GALNT13: variants seen among roughly 807,000 people sequenced by gnomAD.
GALNT13 encodes the protein UDP-GalNAc:polypeptide N-acetylgalactosaminyltransferase 13.
In GALNT13, 28 loss-of-function variants were observed where a neutral mutation model predicts 64.2. That is an observed-to-expected ratio of 0.44 (90% CI 0.32 to 0.60). GALNT13 has a LOEUF of 0.60. Ranked by LOEUF, GALNT13 falls within the 20% of genes least tolerant of loss-of-function variation. The pLI, the probability that GALNT13 is intolerant of heterozygous loss-of-function variation, is 0.05. For synonymous variants in GALNT13, 214 were observed against 224.6 expected, an observed-to-expected ratio of 0.95 and a Z score of 0.42; for missense variants, 577 against 669.8, an observed-to-expected ratio of 0.86 and a Z score of 1.53.
At chr2:154,084,136 C>A (rs1701412516) in intron 3 of GALNT13, among the ~76,000 whole-genome samples, 1 of 151,832 alleles carries the variant, frequency 6.6e-6, no homozygotes, top group Non-Finnish European at 1.5e-5. Flanking sequence ...GTGTCCCAAA[C>A]AATAATGGTC....
chr2:153,949,939 C>T (rs1692049372), intron 3 of GALNT13, among the ~76,000 whole-genome samples: 1 of 151,858 alleles, frequency 6.6e-6, no homozygotes, highest in African/African-American at 2.4e-5. Context: ...GGATGCCTAA[C>T]TCATGTCATG....
intron 3 of GALNT13, among the ~76,000 whole-genome samples, chr2:154,095,820 A>T (rs183285563): frequency 6.6e-6 from 1 of 151,918 alleles, no homozygotes; most frequent in South Asian, 2.1e-4. Context: ...ATTTTGTCCT[A>T]TGTTAAAGAT....
At chr2:153,740,105 G>A in the GALNT13 span, among the ~76,000 whole-genome samples, 1 of 151,850 alleles carries the variant, frequency 6.6e-6, no homozygotes, top group Non-Finnish European at 1.5e-5. Flanking sequence ...ATAATTATTT[G>A]CTTAGAGTTC....
chr2:153,790,602 A>G, the GALNT13 span, among the ~76,000 whole-genome samples: 1 of 152,142 alleles, frequency 6.6e-6, no homozygotes, highest in South Asian at 2.1e-4. Flanking sequence ...CCCTGACCAG[A>G]GCAATCAGGC....
intron 9 of GALNT13, among the ~76,000 whole-genome samples, chr2:154,392,648 A>G (rs1163513546): frequency 2.0e-5 from 3 of 152,198 alleles, no homozygotes; most frequent in East Asian, 1.9e-4. Context: ...GCCAAGAGCT[A>G]TTTTCTAAAG....
the GALNT13 span, among the ~76,000 whole-genome samples, chr2:153,780,818 T>C: frequency 6.6e-6 from 1 of 152,156 alleles, no homozygotes; most frequent in Non-Finnish European, 1.5e-5. Flanking sequence ...GAGGGGTTAT[T>C]ATGTGCCTAG....
chr2:154,270,533 A>G (rs1309331602), intron 8 of GALNT13, among the ~76,000 whole-genome samples: 1 of 151,938 alleles, frequency 6.6e-6, no homozygotes, highest in Admixed American at 6.6e-5. Context: ...GAAAATTCAC[A>G]ATTGAAATGA....
intron 9 of GALNT13, among the ~76,000 whole-genome samples, chr2:154,342,700 T>C (rs1378602218): frequency 6.6e-6 from 1 of 152,010 alleles, no homozygotes; most frequent in African/African-American, 2.4e-5. Context: ...ACAGAGACTA[T>C]ATGTCTCACA....
the GALNT13 span, among the ~76,000 whole-genome samples, chr2:153,221,984 CCTT>C: frequency 1.3e-5 from 2 of 152,158 alleles, no homozygotes; most frequent in African/African-American, 4.8e-5. Flanking sequence ...GCTCTTCTCT[CCTT>C]ATTCCCCCAA....
the GALNT13 span, among the ~76,000 whole-genome samples, chr2:153,351,246 A>G: frequency 6.6e-6 from 1 of 152,186 alleles, no homozygotes; most frequent in Non-Finnish European, 1.5e-5. Flanking sequence ...TTGTCTAGGA[A>G]ACAAGTGATT....
At chr2:153,512,679 G>A in the GALNT13 span, among the ~76,000 whole-genome samples, 1 of 152,066 alleles carries the variant, frequency 6.6e-6, no homozygotes, top group Non-Finnish European at 1.5e-5. Flanking sequence ...GATAACACCC[G>A]GCACATATTA....
At chr2:153,477,816 G>T in the GALNT13 span, 3 of 177,848 alleles carry the variant, frequency 1.7e-5, no homozygotes, top group Non-Finnish European at 3.5e-5. Flanking sequence ...AGTCTGCTGC[G>T]TGGCTTTTAA....
At chr2:154,281,740 C>G (rs918306675) in intron 8 of GALNT13, among the ~76,000 whole-genome samples, 1 of 152,054 alleles carries the variant, frequency 6.6e-6, no homozygotes, top group Non-Finnish European at 1.5e-5. Context: ...TAAACACATC[C>G]TCTCCTTCAA....
chr2:153,947,602 T>G (rs1165918768), intron 3 of GALNT13, among the ~76,000 whole-genome samples: 1 of 152,064 alleles, frequency 6.6e-6, no homozygotes. Context: ...GATGCATAGA[T>G]TGCAAAAATT....
chr2:153,949,146 A>G (rs1691986798), intron 3 of GALNT13, among the ~76,000 whole-genome samples: 1 of 152,134 alleles, frequency 6.6e-6, no homozygotes, highest in Non-Finnish European at 1.5e-5. Context: ...AGGCTATACC[A>G]TACAGCCTAA....
At chr2:153,839,172 T>C in the GALNT13 span, among the ~76,000 whole-genome samples, 7 of 151,882 alleles carry the variant, frequency 4.6e-5, no homozygotes, top group East Asian at 1.3e-3. Context: ...GCATGTAATG[T>C]TTAGAGTTTT....
the GALNT13 span, among the ~76,000 whole-genome samples, chr2:153,831,545 A>G: frequency 5.9e-5 from 9 of 152,122 alleles, no homozygotes; most frequent in African/African-American, 2.2e-4. Context: ...CCCTCACAGA[A>G]TCAGCCTCAT....
At chr2:154,276,458 AC>A (rs1691658543) in intron 8 of GALNT13, among the ~76,000 whole-genome samples, 1 of 150,112 alleles carries the variant, frequency 6.7e-6, no homozygotes. Flanking sequence ...CTTGTCTTGA[AC>A]TCCTGACCTC....
At chr2:153,086,573 A>G in the GALNT13 span, among the ~76,000 whole-genome samples, 1 of 152,122 alleles carries the variant, frequency 6.6e-6, no homozygotes, top group Admixed American at 6.6e-5. Context: ...TGCCTCAGCC[A>G]TGATTGTGAG....
Sources: allele counts gnomAD v4.1 joint callset (sites outside exome capture counted in the v4.1 genomes callset), GRCh38; gene constraint gnomAD v4.1.1; transcripts MANE v1.5; gene names NCBI Gene and HGNC (gene_info 2026-07-23, HGNC 2026-07-21).